The following GAPVD1 variants were observed in gnomAD, a reference collection of about 807,000 sequenced individuals.
GAPVD1 encodes GTPase-activating protein and VPS9 domain-containing protein 1.
GAPVD1 carries 35 observed loss-of-function variants against 155.5 expected under a neutral mutation model. The observed-to-expected ratio is 0.23, with a 90% CI of 0.17 to 0.30. The LOEUF (loss-of-function observed/expected upper bound fraction) is 0.30, where lower values mean the gene tolerates loss of function less well. Among genes scored for constraint, GAPVD1 ranks in the 10% least tolerant of loss-of-function variants. The probability of loss-of-function intolerance (pLI) is 1.00; values close to 1 mark genes in which losing one functional copy is unlikely to be tolerated. For synonymous variants in GAPVD1, 636 were observed against 619.7 expected (o/e 1.03, Z -0.39); for missense variants, 1,429 against 1,775.7 (o/e 0.80, Z 3.51).
intron 8 of GAPVD1, among the ~76,000 whole-genome samples, chr9:125,310,879 G>A (rs1210901848): frequency 1.4e-5 from 2 of 147,822 alleles, no homozygotes; most frequent in Non-Finnish European, 3.0e-5. Flanking sequence ...CGCTTTTATC[G>A]CGCAGGCTGG....
intron 15 of GAPVD1, chr9:125,335,404 GC>G (rs991881696): frequency 1.1e-4 from 46 of 429,914 alleles, no homozygotes; most frequent in African/African-American, 7.1e-4. Flanking sequence ...GGGGCTGGGC[GC>G]GGTGGCTCAC....
intron 12 of GAPVD1, among the ~76,000 whole-genome samples, chr9:125,329,634 GT>G (rs141414767): frequency 0.028 from 3,933 of 141,002 alleles, 138 homozygotes; most frequent in African/African-American, 0.089. Flanking sequence ...GAATTTGGTG[GT>G]TTTTTTTTTT....
At chr9:125,352,746 G>T (rs1849486090) in intron 23 of GAPVD1, among the ~76,000 whole-genome samples, 1 of 152,182 alleles carries the variant, frequency 6.6e-6, no homozygotes, top group African/African-American at 2.4e-5. Flanking sequence ...TCAGAAAATG[G>T]GATTTTGTTT....
chr9:125,265,993 G>A (rs1162155423), intron 1 of GAPVD1, among the ~76,000 whole-genome samples: 1 of 149,490 alleles, frequency 6.7e-6, no homozygotes, highest in African/African-American at 2.4e-5. Flanking sequence ...TGTTGGTTGA[G>A]TGTAAACTGG....
chr9:125,355,592 T>C (rs560269506), intron 24 of GAPVD1, 52 bp from the exon 25 acceptor site: 6 of 1,087,898 alleles, frequency 5.5e-6, no homozygotes, highest in Middle Eastern at 3.0e-4. Context: ...TTTTTAAAAT[T>C]ATTTAGATAG....
rs555993 is a variant in GAPVD1, at chr9:125,263,478, A to C, written c.-199+1519A>C. The C allele has an allele frequency of 3.5e-3, 2,331 of 674,020 alleles. 33 individuals carry two copies. In the African/African-American group the frequency reaches 0.039, roughly 11 times the overall value. 41.8% of individuals were successfully genotyped at this position (674,020 alleles called of 1,614,324 possible). A position where few individuals can be genotyped will look rare whatever the true frequency, so the allele number is the denominator to read the frequency against. Reference sequence around the variant, plus strand: ...ACAAAACAAAACAAAAAAACTCCTGAAATAGAAATAAGGTTTTTTGGATTT... The same window carrying C: ...ACAAAACAAAACAAAAAAACTCCTGCAATAGAAATAAGGTTTTTTGGATTT... On this transcript the variant is annotated intron_variant, in intron 1 of 27. Transcript: ENST00000297933.
intron 4 of GAPVD1, among the ~76,000 whole-genome samples, chr9:125,299,863 A>G (rs1840485225): frequency 6.9e-6 from 1 of 144,504 alleles, no homozygotes; most frequent in East Asian, 2.1e-4. Context: ...TACTAAAAAT[A>G]CAAAAATTAG....
At chr9:125,346,532 C>A in intron 19 of GAPVD1, 1 of 452,966 alleles carries the variant, frequency 2.2e-6, no homozygotes, top group South Asian at 2.3e-5. Context: ...AGTGCAAACA[C>A]TTTAGAAATC....
intron 9 of GAPVD1, among the ~76,000 whole-genome samples, chr9:125,313,239 A>G (rs1239767140): frequency 6.6e-6 from 1 of 151,860 alleles, no homozygotes; most frequent in African/African-American, 2.4e-5. Context: ...GAATTTCAAC[A>G]TACAGATTTT....
At position 125,302,568 on chromosome 9, in the gene GAPVD1, G is replaced by T; in HGVS notation, c.771G>T (p.Lys257Asn). ...AAATGGTGGAGTCCAATGAAGCAAAGCTAGTGGCTTTGGTGAACAAATTTA... is the reference window on the plus strand; with the variant it reads ...AAATGGTGGAGTCCAATGAAGCAAATCTAGTGGCTTTGGTGAACAAATTTA... The part of the protein sequence containing the change: ...VQEMVESNEA[K>N]LVALVNKFIG... Residue 257 changes from lysine (K) to asparagine (N), a missense_variant, in exon 5 of 28, where the codon AAG becomes AAT. Transcript: ENST00000297933. The T allele has an allele frequency of 6.2e-7, 1 of 1,613,986 alleles. No individual in the cohort carries two copies. The highest frequency in any genetic ancestry group is 8.5e-7 in the Non-Finnish European group (1 of 1,179,836).
rs527527713 is a variant in GAPVD1, at chr9:125,342,215, C to T, written c.2966-4C>T. ...TCACACTACTGACTTTATTTAATTT[C>T]CAGCTCCTATACCATTTAGAAAGAA... On this transcript the variant is annotated splice_polypyrimidine_tract_variant and splice_region_variant and intron_variant, in intron 18 of 27. Coordinates refer to ENST00000297933, the MANE Select transcript of GAPVD1 (RefSeq NM_001282680.3). 6 of 1,463,178 alleles carry T rather than the reference C, an allele frequency of 4.1e-6. No individual in the cohort carries two copies. The highest frequency in any genetic ancestry group is 5.8e-6 in the Non-Finnish European group (6 of 1,042,612). The allele number at this position is 1,463,178 out of a possible 1,614,324, so 90.6% of individuals were successfully genotyped here.
At chr9:125,341,045 A>G (rs1258990045) in intron 17 of GAPVD1, 132 bp from the exon 18 acceptor site, 1 of 661,906 alleles carries the variant, frequency 1.5e-6, no homozygotes, top group Non-Finnish European at 2.8e-6. Flanking sequence ...TGATTGTGCT[A>G]CTGCACTCCA....
At chr9:125,332,183 A>G (rs574519812) in intron 14 of GAPVD1, 123 bp downstream of exon 14, 3 of 976,920 alleles carry the variant, frequency 3.1e-6, no homozygotes, top group African/African-American at 3.3e-5. Flanking sequence ...CCAGAAAACA[A>G]ACTTATTTCC....
intron 11 of GAPVD1, among the ~76,000 whole-genome samples, chr9:125,325,390 C>T (rs1302548450): frequency 6.6e-6 from 1 of 150,844 alleles, no homozygotes; most frequent in East Asian, 2.0e-4. Context: ...GGCATGGTGG[C>T]AGGCGCTTGT....
At chr9:125,294,407 C>T (rs1839496634) in intron 2 of GAPVD1, among the ~76,000 whole-genome samples, 1 of 147,928 alleles carries the variant, frequency 6.8e-6, no homozygotes, top group Non-Finnish European at 1.5e-5. Flanking sequence ...GAGTGCAGCG[C>T]GTGATCTCGG....
intron 8 of GAPVD1, among the ~76,000 whole-genome samples, chr9:125,310,849 T>C (rs1842576252): frequency 6.7e-6 from 1 of 148,614 alleles, no homozygotes. Context: ...TCTTCTTTTT[T>C]TTTTTTTTAG....
intron 15 of GAPVD1, among the ~76,000 whole-genome samples, chr9:125,335,889 A>G (rs143445890): frequency 1.3e-4 from 20 of 152,228 alleles, no homozygotes; most frequent in African/African-American, 4.6e-4. Context: ...ATGGTAGCTC[A>G]TGCCTGTAAT....
chr9:125,301,563 C>T (rs949001681), intron 4 of GAPVD1, among the ~76,000 whole-genome samples: 1 of 151,898 alleles, frequency 6.6e-6, no homozygotes. Flanking sequence ...ATTCTCCTGC[C>T]TCAATTTTCC....
intron 19 of GAPVD1, 99 bp from the exon 20 acceptor site, chr9:125,346,720 T>C (rs1848564562): frequency 1.1e-6 from 1 of 943,842 alleles, no homozygotes; most frequent in Non-Finnish European, 1.8e-6. Flanking sequence ...AAGTCTTACC[T>C]CCTAATCTGC....
Sources: allele counts gnomAD v4.1 joint callset (sites outside exome capture counted in the v4.1 genomes callset), GRCh38; gene constraint gnomAD v4.1.1; transcripts MANE v1.5; gene names NCBI Gene and HGNC (gene_info 2026-07-23, HGNC 2026-07-21).